Variants in WDR3 observed in about 807,000 individuals in gnomAD.
WDR3 encodes WD repeat-containing protein 3.
WDR3 carries 81 observed loss-of-function variants against 123.7 expected under a neutral mutation model. The observed-to-expected ratio is 0.65, with a 90% confidence interval of 0.55 to 0.79. The LOEUF (loss-of-function observed/expected upper bound fraction) is 0.79, where lower values mean the gene tolerates loss of function less well. Among genes scored for constraint, WDR3 ranks in the 30% least tolerant of loss-of-function variants. WDR3 has a pLI of 0.00. For synonymous variants in WDR3, 390 were observed against 388.8 expected (o/e 1.00, Z -0.04); for missense variants, 1,027 against 1,123.2 (o/e 0.91, Z 1.22).
chr1:117,954,519 A>G, intron 22 of WDR3, 61 bp from the exon 23 acceptor site: 6 of 1,514,038 alleles, frequency 4.0e-6, no homozygotes, highest in South Asian at 1.1e-5. Context: ...CACTCTGTCT[A>G]TAACAAGTGC....
intron 1 of WDR3, 65 bp from the exon 2 acceptor site, chr1:117,933,223 G>A (rs906030119): frequency 1.4e-6 from 2 of 1,384,748 alleles, no homozygotes; most frequent in Non-Finnish European, 2.0e-6. Context: ...AAAACAGTTG[G>A]TGTTTACTAA....
Position 117,957,060 on chromosome 1 carries a change from T to C in WDR3, c.2454-8T>C. On this transcript the variant is annotated splice_region_variant and splice_polypyrimidine_tract_variant and intron_variant, in intron 24 of 26. Transcript: ENST00000349139. Reference sequence around the variant, plus strand: ...GTGGCATTTTTATATTTATTTTTTCTTTTTCAGTGAGCTGGAAGAATCTCT... The same window carrying C: ...GTGGCATTTTTATATTTATTTTTTCCTTTTCAGTGAGCTGGAAGAATCTCT... 6.4e-7 allele frequency: 1 copy of C among 1,553,670 alleles called. No homozygotes were observed. The highest frequency in any genetic ancestry group is 2.1e-5 in the Admixed American group (1 of 47,656).
rs1653355777 is a variant in WDR3, at chr1:117,963,332, A to C, written c.*3885A>C. On this transcript the variant is annotated 3_prime_UTR_variant, in exon 27 of 27. Coordinates refer to ENST00000349139, the MANE Select transcript of WDR3 (RefSeq NM_006784.3). Reference sequence around the variant, plus strand: ...ATTACATTTTATAATATATATAAAGAAGCAACTAGTATAGTTATTTAAACA... The same window carrying C: ...ATTACATTTTATAATATATATAAAGCAGCAACTAGTATAGTTATTTAAACA... The C allele has an allele frequency of 6.6e-6, 1 of 152,448 alleles. No individual in the cohort carries two copies. 9.4% of individuals were successfully genotyped at this position (152,448 alleles called of 1,614,324 possible).
At chr1:117,933,032 T>TGA (rs1416209281) in intron 1 of WDR3, among the ~76,000 whole-genome samples, 2,762 of 92,782 alleles carry the variant, frequency 0.03, 83 homozygotes, top group African/African-American at 0.099. Flanking sequence ...CCATCTCTAC[T>TGA]AAAAAAAAAA....
At position 117,964,693 on chromosome 1, in the gene WDR3, C is replaced by T. The variant is rs1022724704; in HGVS notation, c.*5246C>T. 9.2e-5 allele frequency: 14 copies of T among 152,168 alleles called. No individual in the cohort carries two copies. The highest frequency in any genetic ancestry group is 1.9e-4 in the Non-Finnish European group (13 of 68,010). The allele number at this position is 152,168 out of a possible 1,614,324, so 9.4% of individuals were successfully genotyped here. On this transcript the variant is annotated 3_prime_UTR_variant, in exon 27 of 27. Transcript: ENST00000349139. ...ATGGTTTACTTACTTTATGTATTGTCTGTCCTCCCACTGGAATGTAAGCTA... is the reference window on the plus strand; with the variant it reads ...ATGGTTTACTTACTTTATGTATTGTTTGTCCTCCCACTGGAATGTAAGCTA...
chr1:117,945,830 G>A (rs1307776441), intron 11 of WDR3, among the ~76,000 whole-genome samples: 1 of 152,146 alleles, frequency 6.6e-6, no homozygotes. Flanking sequence ...GCTCCGTGGA[G>A]CCCAGCAGAC....
In WDR3 at chr1:117,939,583, C is replaced by G; in HGVS notation, c.675+11C>G. 6.2e-7 allele frequency: 1 copy of G among 1,612,482 alleles called. No individual in the cohort carries two copies. The highest frequency in any genetic ancestry group is 2.2e-5 in the East Asian group (1 of 44,852). On this transcript the variant is annotated intron_variant, in intron 6 of 26. Transcript: ENST00000349139. Reference sequence around the variant, plus strand: ...GCTTATCTGCAAGAGGTAATTACTTCTTAAAATCATGGGCAATATGTTTAG... The same window carrying G: ...GCTTATCTGCAAGAGGTAATTACTTGTTAAAATCATGGGCAATATGTTTAG...
In WDR3 at chr1:117,943,450, G is replaced by A. The variant is rs1232552470; in HGVS notation, c.1152G>A (p.Leu384=). 2 of 1,614,002 alleles carry A rather than the reference G, an allele frequency of 1.2e-6. No individual in the cohort carries two copies. Among genetic ancestry groups the A allele is most frequent in the South Asian group, 1.1e-5 (1 of 91,084 alleles). The part of the protein sequence containing the change: ...PHGELKAVFL[L]QNNLVELYSL... ...GAGAGTTAAAGGCTGTCTTCCTGCT[G>A]CAGAACAACCTGGTGGAATTGTATT... The change falls in exon 11 of 27, where the codon CTG becomes CTA. Residue 384 remains leucine (L), a synonymous_variant. Transcript: ENST00000349139.
intron 16 of WDR3, 45 bp from the exon 17 acceptor site, chr1:117,951,931 C>A: frequency 6.5e-7 from 1 of 1,538,876 alleles, no homozygotes; most frequent in Non-Finnish European, 8.9e-7. Context: ...TATTCATATA[C>A]GGAATTCAAA....
rs142824702 is a variant in WDR3 at position 117,945,784 on chromosome 1, T to G, written c.1329-302T>G. On this transcript the variant is annotated intron_variant, in intron 11 of 26. Coordinates refer to ENST00000349139, the MANE Select transcript of WDR3 (RefSeq NM_006784.3). ...GATGTACTAATTTGACTTGTAATCC[T>G]TCAGACTCACTCACTTCTTGGTAAT... Among the ~76,000 whole-genome samples, 1,337 of 152,300 alleles carry G rather than the reference T, an allele frequency of 8.8e-3. 21 individuals carry two copies. The highest frequency in any genetic ancestry group is 0.03 in the African/African-American group (1,226 of 41,558).
At chr1:117,948,574 C>A in intron 13 of WDR3, 68 bp downstream of exon 13, 1,383 of 829,772 alleles carry the variant, frequency 1.7e-3, no homozygotes, top group Non-Finnish European at 2.2e-3. Context: ...CTCAGGGTTT[C>A]TTTAAAGAAA....
chr1:117,950,743 A>T (rs550590758), intron 15 of WDR3, 91 bp from the exon 16 acceptor site: 1 of 1,136,230 alleles, frequency 8.8e-7, no homozygotes, highest in African/African-American at 1.6e-5. Context: ...GCAATTTAAA[A>T]ATGTGTTTAA....
Position 117,961,421 on chromosome 1 carries a change from T to G in WDR3, c.*1974T>G, listed in dbSNP as rs1434630289. ...CTAGGAAAAGATATTGACAGATACC[T>G]CTGGGTCTGGGCTTTTCTTTTGGGG... On this transcript the variant is annotated 3_prime_UTR_variant, in exon 27 of 27. Transcript: ENST00000349139. 1.3e-5 allele frequency: 2 copies of G among 152,216 alleles called. No homozygotes were observed. Among genetic ancestry groups the G allele is most frequent in the Admixed American group, 1.3e-4 (2 of 15,284 alleles). The allele number at this position is 152,216 out of a possible 1,614,324, so 9.4% of individuals were successfully genotyped here.
In WDR3 at chr1:117,943,481, A is replaced by G. The variant is rs1454105158; in HGVS notation, c.1183A>G (p.Asn395Asp). ...CAACCTGGTGGAATTGTATTCACTG[A>G]ATCCATCCTTGCCTACTCCTCAGCC... ...QNNLVELYSL[N>D]PSLPTPQPVR... is the part of the protein sequence containing the mutation. The change falls in exon 11 of 27, where the codon AAT becomes GAT. Residue 395 changes from asparagine (N) to aspartate (D), a missense_variant. By Grantham distance (23) the Asn-to-Asp change is conservative. Transcript: ENST00000349139. 6.2e-7 allele frequency: 1 copy of G among 1,614,096 alleles called. No individual in the cohort carries two copies. Among genetic ancestry groups the G allele is most frequent in the Non-Finnish European group, 8.5e-7 (1 of 1,180,012 alleles).
At chr1:117,955,200 A>G (rs1651995214) in intron 23 of WDR3, 115 bp from the exon 24 acceptor site, 2 of 828,876 alleles carry the variant, frequency 2.4e-6, no homozygotes, top group Non-Finnish European at 3.7e-6. Context: ...CCATTTTAGA[A>G]TACTTTTTCT....
chr1:117,942,902 T>G (rs1651225806), intron 10 of WDR3, among the ~76,000 whole-genome samples: 2 of 150,908 alleles, frequency 1.3e-5, no homozygotes, highest in African/African-American at 2.4e-5. Context: ...TTTTTTTTTT[T>G]TTTTTTTTTT....
intron 20 of WDR3, 76 bp downstream of exon 20, chr1:117,953,072 A>T: frequency 8.0e-6 from 12 of 1,507,274 alleles, no homozygotes; most frequent in Non-Finnish European, 1.1e-5. Context: ...AATGTCCAGA[A>T]TTTCTAATAG....
In WDR3 at chr1:117,949,792, C is replaced by T. The variant is rs1376434561; in HGVS notation, c.1566C>T (p.Phe522=). The T allele has an allele frequency of 4.3e-6, 7 of 1,613,586 alleles. No individual in the cohort carries two copies. The highest frequency in any genetic ancestry group is 5.9e-6 in the Non-Finnish European group (7 of 1,179,832). ...VTGGADKSVK[F]WDFELVKDEN... ...GTGGTGCAGATAAATCTGTCAAATT[C>T]TGGGATTTTGAGTTAGTGAAAGATG... The change falls in exon 14 of 27, where the codon TTC becomes TTT. Residue 522 remains phenylalanine, a synonymous_variant. Transcript: ENST00000349139.
In WDR3 at chr1:117,963,682, C is replaced by G; in HGVS notation, c.*4235C>G. 1 of 942,594 alleles carries G rather than the reference C, an allele frequency of 1.1e-6. No individual in the cohort carries two copies. Among genetic ancestry groups the G allele is most frequent in the South Asian group, 2.0e-5 (1 of 49,688 alleles). 58.4% of individuals were successfully genotyped at this position (942,594 alleles called of 1,614,324 possible). ...CCCGGCCTAAACAAATATTTTCATT[C>G]ATTCAGGCCAGGTGGCTTATAGGTT... On this transcript the variant is annotated 3_prime_UTR_variant, in exon 27 of 27. Coordinates refer to ENST00000349139, the MANE Select transcript of WDR3 (RefSeq NM_006784.3).
Sources: gnomAD v4.1 joint callset for allele counts (sites outside exome capture counted in the v4.1 genomes callset) on GRCh38, gnomAD v4.1.1 for gene constraint, MANE v1.5 for transcripts, NCBI Gene and HGNC (gene_info 2026-07-23, HGNC 2026-07-21) for gene names.